Variants in FGD4 observed in about 807,000 individuals in gnomAD.
The protein encoded by FGD4 is FYVE, RhoGEF and PH domain-containing protein 4.
In FGD4, 42 loss-of-function variants were observed where a neutral mutation model predicts 102.0. The observed-to-expected ratio is 0.41, with a 90% CI of 0.32 to 0.53. FGD4 has a LOEUF of 0.53. Among genes scored for constraint, FGD4 ranks in the 20% least tolerant of loss-of-function variants. The pLI is 0.21. For synonymous variants in FGD4, 380 were observed against 375.7 expected (o/e 1.01, Z -0.13); for missense variants, 902 against 1,078.2 (o/e 0.84, Z 2.29).
intron 1 of FGD4, among the ~76,000 whole-genome samples, chr12:32,438,618 T>G (rs2088808): frequency 5.6e-5 from 7 of 125,446 alleles, no homozygotes; most frequent in Admixed American, 8.0e-5. Context: ...TTGTGTGTGT[T>G]TTTTTTTTTG....
Position 32,526,000 on chromosome 12 carries a change from C to G in FGD4, c.167-38137C>G, listed in dbSNP as rs190837363. On this transcript the variant is annotated intron_variant, in intron 1 of 16. Coordinates refer to ENST00000534526, the MANE Select transcript of FGD4 (RefSeq NM_001370298.3). ...TGCGGCCCGAGCCTCCGACGAGCAC[C>G]ACCCCCTGCTCCACGGCGCCCAGTC... 9.9e-3 allele frequency among the ~76,000 whole-genome samples: 1,516 copies of G among 152,378 alleles called. 15 individuals carry two copies. The highest frequency in any genetic ancestry group is 0.015 in the South Asian group (73 of 4,834).
chr12:32,475,104 G>A (rs977357127), intron 1 of FGD4, among the ~76,000 whole-genome samples: 1 of 152,114 alleles, frequency 6.6e-6, no homozygotes, highest in African/African-American at 2.4e-5. Flanking sequence ...TCCTTGTTGA[G>A]GAACTAGTTC....
At chr12:32,453,220 AATATAGATATATATATATT>A (rs1942849130) in intron 1 of FGD4, among the ~76,000 whole-genome samples, 2 of 52,782 alleles carry the variant, frequency 3.8e-5, no homozygotes, top group Admixed American at 2.5e-4. Context: ...ATATATATAT[AATATAGATATATATATATT>A]TTTTTTTTTT....
At chr12:32,509,461 A>G (rs1299410817) in intron 1 of FGD4, among the ~76,000 whole-genome samples, 1 of 152,146 alleles carries the variant, frequency 6.6e-6, no homozygotes, top group African/African-American at 2.4e-5. Context: ...TGACTAATAA[A>G]TGAAAAAAAT....
intron 1 of FGD4, among the ~76,000 whole-genome samples, chr12:32,561,561 A>C (rs918172313): frequency 1.3e-4 from 20 of 152,222 alleles, no homozygotes; most frequent in Non-Finnish European, 2.8e-4. Flanking sequence ...ATAAAAAATG[A>C]AACTCTTTGT....
At chr12:32,607,660 G>A (rs1424457866) in intron 7 of FGD4, among the ~76,000 whole-genome samples, 4 of 152,166 alleles carry the variant, frequency 2.6e-5, no homozygotes, top group Non-Finnish European at 5.9e-5. Flanking sequence ...GACTACAGGC[G>A]TGTGCCACCA....
intron 4 of FGD4, among the ~76,000 whole-genome samples, chr12:32,596,452 A>C (rs969544422): frequency 2.0e-5 from 3 of 152,216 alleles, no homozygotes; most frequent in African/African-American, 4.8e-5. Flanking sequence ...GTGATGATAA[A>C]AGTTTGAGGA....
At chr12:32,555,696 C>T (rs1241544495) in intron 1 of FGD4, among the ~76,000 whole-genome samples, 1 of 151,718 alleles carries the variant, frequency 6.6e-6, no homozygotes, top group South Asian at 2.1e-4. Context: ...CTCAGCCTCC[C>T]GAGTAGCTGG....
chr12:32,639,895 A>C (rs1565941535), intron 16 of FGD4, among the ~76,000 whole-genome samples: 1 of 152,160 alleles, frequency 6.6e-6, no homozygotes, highest in Admixed American at 6.5e-5. Flanking sequence ...AAGTTGATGG[A>C]ATAAGTGAAT....
intron 1 of FGD4, among the ~76,000 whole-genome samples, chr12:32,419,384 G>A (rs1474261264): frequency 1.3e-5 from 2 of 152,144 alleles, no homozygotes; most frequent in Admixed American, 6.5e-5. Context: ...GGGCCTTGGC[G>A]CTCTTTAGTC....
intron 1 of FGD4, among the ~76,000 whole-genome samples, chr12:32,560,863 T>A (rs1200955532): frequency 2.6e-5 from 4 of 151,960 alleles, no homozygotes. Flanking sequence ...CAGCTAATTT[T>A]TATTTTTTTT....
intron 1 of FGD4, among the ~76,000 whole-genome samples, chr12:32,524,030 T>C (rs1940839649): frequency 6.6e-6 from 1 of 151,756 alleles, no homozygotes; most frequent in Non-Finnish European, 1.5e-5. Context: ...TTGGCACTGA[T>C]CTACTGGAAT....
intron 1 of FGD4, among the ~76,000 whole-genome samples, chr12:32,522,570 C>T (rs1478885067): frequency 6.6e-6 from 1 of 152,144 alleles, no homozygotes; most frequent in African/African-American, 2.4e-5. Context: ...CTGGCAGGGG[C>T]AGAACTAACG....
chr12:32,529,860 A>T (rs539166366), intron 1 of FGD4, among the ~76,000 whole-genome samples: 169 of 143,856 alleles, frequency 1.2e-3, no homozygotes, highest in African/African-American at 1.8e-3. Context: ...AAAAAAATTT[A>T]AAAAAAAAAA....
At position 32,466,867 on chromosome 12, in the gene FGD4, C is replaced by CAA. The variant is rs35375727; in HGVS notation, c.166+66932_166+66933dup. ...TGGGCAACACAGCGAGAGTCTGTCTCAAAAAAAAAAAAAAAAAAAAAAAAA... is the reference window on the plus strand; with the variant it reads ...TGGGCAACACAGCGAGAGTCTGTCTCAAAAAAAAAAAAAAAAAAAAAAAAAAA... On this transcript the variant is annotated intron_variant, in intron 1 of 16. Transcript: ENST00000534526. Among the ~76,000 whole-genome samples the CAA allele has an allele frequency of 9.2e-3, 573 of 62,612 alleles. 12 individuals carry two copies. The highest frequency in any genetic ancestry group is 0.028 in the African/African-American group (454 of 16,348). 41.1% of individuals were successfully genotyped at this position (62,612 alleles called of 152,430 possible). A position where few individuals can be genotyped will look rare whatever the true frequency, so the allele number is the denominator to read the frequency against.
At chr12:32,576,052 C>G (rs1384708824) in intron 2 of FGD4, among the ~76,000 whole-genome samples, 1 of 152,078 alleles carries the variant, frequency 6.6e-6, no homozygotes, top group Non-Finnish European at 1.5e-5. Context: ...ATTAAAAGAA[C>G]CACTTAAGTT....
intron 1 of FGD4, among the ~76,000 whole-genome samples, chr12:32,433,655 A>C (rs1220541703): frequency 6.6e-6 from 1 of 152,032 alleles, no homozygotes; most frequent in Non-Finnish European, 1.5e-5. Context: ...CATTTTTTTA[A>C]TGTAGCTTTC....
intron 14 of FGD4, among the ~76,000 whole-genome samples, chr12:32,628,735 G>A (rs1258790985): frequency 6.6e-6 from 1 of 152,110 alleles, no homozygotes; most frequent in Non-Finnish European, 1.5e-5. Context: ...GTGATGAGCC[G>A]AGATTGCGCC....
chr12:32,637,569 C>G (rs185490058), intron 15 of FGD4: 1 of 151,014 alleles, frequency 6.6e-6, no homozygotes, highest in Non-Finnish European at 1.5e-5. Context: ...GCACTCCAGC[C>G]TGGGTGACAG....
Sources: allele counts gnomAD v4.1 joint callset (sites outside exome capture counted in the v4.1 genomes callset), GRCh38; gene constraint gnomAD v4.1.1; transcripts MANE v1.5; gene names NCBI Gene and HGNC (gene_info 2026-07-23, HGNC 2026-07-21).